The following TTC7B variants were observed in gnomAD, a reference collection of about 807,000 sequenced individuals.
TTC7B encodes the protein tetratricopeptide repeat protein 7B.
A neutral mutation model predicts 106.8 loss-of-function variants in TTC7B; 28 were observed. The ratio of observed to expected loss-of-function variants is 0.26; its 90% CI spans 0.19 to 0.36. The LOEUF (loss-of-function observed/expected upper bound fraction) is 0.36, where lower values mean the gene tolerates loss of function less well. Among genes scored for constraint, TTC7B ranks in the 10% least tolerant of loss-of-function variants. The pLI, the probability that TTC7B is intolerant of heterozygous loss-of-function variation, is 1.00. For missense variants in TTC7B, 862 were observed against 1,076.4 expected (o/e 0.80, Z 2.79); for synonymous variants, 405 against 430.6 (o/e 0.94, Z 0.74).
In TTC7B at chr14:90,783,676, C is replaced by T. The variant is rs1253409069; in HGVS notation, c.276+2498G>A. 3.3e-5 allele frequency among the ~76,000 whole-genome samples: 5 copies of T among 152,312 alleles called. No homozygotes were observed. In the East Asian group the frequency reaches 9.7e-4, roughly 29 times the overall value. ...CAACAGCTGGGTGCAGTGGCTCAGG[C>T]CTGTAATCCCAGCACTTTCGGAGGC... On this transcript the variant is annotated intron_variant, in intron 2 of 19. Transcript: ENST00000328459.
rs749476967 is a variant in TTC7B, at chr14:90,686,399, G to A, written c.950+3141C>T. On this transcript the variant is annotated intron_variant, in intron 7 of 19. Transcript: ENST00000328459. Reference sequence around the variant, plus strand: ...TGTGAAAGACTAGATAATTTCCCCCGCCTGAGATCAGGAATGAGACAAGGA... The same window carrying A: ...TGTGAAAGACTAGATAATTTCCCCCACCTGAGATCAGGAATGAGACAAGGA... Among the ~76,000 whole-genome samples, 326 of 152,216 alleles carry A rather than the reference G, an allele frequency of 2.1e-3. 2 individuals are homozygous for A. Among genetic ancestry groups the A allele is most frequent in the Non-Finnish European group, 2.6e-3 (176 of 68,008 alleles).
At chr14:90,786,037 G>A in intron 2 of TTC7B, 137 bp downstream of exon 2, 1 of 1,045,730 alleles carries the variant, frequency 9.6e-7, no homozygotes, top group South Asian at 2.6e-5. Flanking sequence ...CCAACTGGGA[G>A]CTGGCCCGCT....
chr14:90,591,979 T>C (rs1289882222), intron 18 of TTC7B, among the ~76,000 whole-genome samples: 1 of 152,196 alleles, frequency 6.6e-6, no homozygotes, highest in African/African-American at 2.4e-5. Flanking sequence ...GAATCACCCC[T>C]CTTTTGTACT....
Position 90,795,126 on chromosome 14 carries a change from A to G in TTC7B, c.122-8798T>C, listed in dbSNP as rs145488129. On this transcript the variant is annotated intron_variant, in intron 1 of 19. Coordinates refer to ENST00000328459, the MANE Select transcript of TTC7B (RefSeq NM_001010854.2). ...CCAGATAGATTAAAGAATTAAATAT[A>G]AAACAAGATCAAAACATTAAAGCTA... 1.4e-3 allele frequency among the ~76,000 whole-genome samples: 218 copies of G among 152,324 alleles called. 1 individual carries two copies. Among genetic ancestry groups the G allele is most frequent in the African/African-American group, 4.9e-3 (204 of 41,578 alleles).
intron 18 of TTC7B, among the ~76,000 whole-genome samples, chr14:90,588,790 A>C (rs1264604500): frequency 1.3e-5 from 2 of 152,064 alleles, no homozygotes; most frequent in African/African-American, 4.8e-5. Context: ...AACCATAAAC[A>C]TGAATAGTTG....
intron 3 of TTC7B, among the ~76,000 whole-genome samples, chr14:90,768,551 T>C (rs1890762310): frequency 6.6e-6 from 1 of 152,206 alleles, no homozygotes; most frequent in Non-Finnish European, 1.5e-5. Context: ...AAATGAGATC[T>C]GAATGGGGAC....
chr14:90,778,785 G>T (rs920607801), intron 3 of TTC7B, among the ~76,000 whole-genome samples: 1 of 152,212 alleles, frequency 6.6e-6, no homozygotes, highest in Non-Finnish European at 1.5e-5. Flanking sequence ...GTGCCCTGTC[G>T]AGAGCAAGGG....
chr14:90,727,086 C>A (rs537366401), intron 5 of TTC7B, among the ~76,000 whole-genome samples: 2 of 151,818 alleles, frequency 1.3e-5, no homozygotes, highest in Non-Finnish European at 2.9e-5. Context: ...GGGAAGAGGA[C>A]GAGCCAGAAA....
intron 17 of TTC7B, among the ~76,000 whole-genome samples, chr14:90,605,353 C>T (rs1004684944): frequency 3.9e-5 from 6 of 152,220 alleles, no homozygotes; most frequent in Non-Finnish European, 8.8e-5. Flanking sequence ...TCTAGAAAAA[C>T]TTCTATCCGT....
chr14:90,640,152 G>A (rs1415973825), intron 15 of TTC7B, among the ~76,000 whole-genome samples: 1 of 152,056 alleles, frequency 6.6e-6, no homozygotes, highest in Non-Finnish European at 1.5e-5. Flanking sequence ...GGTGGCACAC[G>A]CCTGTGCTCC....
At chr14:90,696,993 G>T (rs1351033221) in intron 5 of TTC7B, among the ~76,000 whole-genome samples, 1 of 152,168 alleles carries the variant, frequency 6.6e-6, no homozygotes, top group Non-Finnish European at 1.5e-5. Flanking sequence ...ACGGCGGGAA[G>T]GAAATAGCTA....
At chr14:90,549,936 T>C (rs543186089) in intron 19 of TTC7B, among the ~76,000 whole-genome samples, 1 of 152,236 alleles carries the variant, frequency 6.6e-6, no homozygotes, top group South Asian at 2.1e-4. Flanking sequence ...CTCATTACCA[T>C]TGTTAAACTA....
rs373221552 is a variant in TTC7B, at chr14:90,688,995, C to T, written c.950+545G>A. The stretch of plus-strand genomic sequence containing the variant: ...TGCTAAGTCTATAGTGATTCTCTGG[C>T]CCATTATCCTCCAAGGTGATCAAGT... On this transcript the variant is annotated intron_variant, in intron 7 of 19. Transcript: ENST00000328459. Among the ~76,000 whole-genome samples the T allele has an allele frequency of 4.6e-5, 7 of 152,012 alleles. No individual in the cohort carries two copies. The East Asian group carries it at 1.4e-3, about 29-fold the overall frequency.
chr14:90,725,311 C>A (rs998412586), intron 5 of TTC7B, among the ~76,000 whole-genome samples: 4 of 152,276 alleles, frequency 2.6e-5, no homozygotes, highest in Admixed American at 6.5e-5. Context: ...ATCACCTCCC[C>A]ACAATCACAT....
intron 15 of TTC7B, among the ~76,000 whole-genome samples, chr14:90,629,714 A>G (rs945214465): frequency 6.6e-6 from 1 of 152,338 alleles, no homozygotes; most frequent in East Asian, 1.9e-4. Flanking sequence ...ACAAAAATAA[A>G]TAAACCTTCT....
intron 5 of TTC7B, among the ~76,000 whole-genome samples, chr14:90,709,237 G>A (rs537452766): frequency 1.9e-4 from 28 of 150,514 alleles, no homozygotes; most frequent in Non-Finnish European, 1.9e-4. Context: ...ACATGCACAC[G>A]TATGTTTATT....
At chr14:90,752,158 T>C (rs1188040477) in intron 3 of TTC7B, among the ~76,000 whole-genome samples, 1 of 152,202 alleles carries the variant, frequency 6.6e-6, no homozygotes, top group Non-Finnish European at 1.5e-5. Context: ...TGAACTGTTC[T>C]ATGTAGATGT....
intron 17 of TTC7B, among the ~76,000 whole-genome samples, chr14:90,601,804 G>A (rs1892435739): frequency 6.6e-6 from 1 of 152,152 alleles, no homozygotes; most frequent in African/African-American, 2.4e-5. Flanking sequence ...CTTAAAACCA[G>A]GATCCATGGC....
intron 4 of TTC7B, among the ~76,000 whole-genome samples, chr14:90,739,060 A>G (rs1889658866): frequency 6.6e-6 from 1 of 152,146 alleles, no homozygotes; most frequent in Non-Finnish European, 1.5e-5. Flanking sequence ...GGAAATATAC[A>G]AAAATTAAAA....
Sources: gnomAD v4.1 joint callset for allele counts (sites outside exome capture counted in the v4.1 genomes callset) on GRCh38, gnomAD v4.1.1 for gene constraint, MANE v1.5 for transcripts, NCBI Gene and HGNC (gene_info 2026-07-23, HGNC 2026-07-21) for gene names.